Variants in SGPP2 observed in about 807,000 individuals in gnomAD.
SGPP2 encodes sphingosine-1-phosphate phosphatase 2, also known as sphingosine 1-phosphate phosphohydrolase 2.
A neutral mutation model predicts 33.9 loss-of-function variants in SGPP2; 30 were observed. That is an observed-to-expected ratio of 0.89 (90% confidence interval 0.66 to 1.20). SGPP2 has a LOEUF of 1.20. SGPP2 is among the 50% of genes most tolerant of loss of function. SGPP2 has a pLI of 0.00. For missense variants in SGPP2, 458 were observed against 532.1 expected, an observed-to-expected ratio of 0.86 and a Z score of 1.37; for synonymous variants, 233 against 225.0, an observed-to-expected ratio of 1.04 and a Z score of -0.32.
intron 2 of SGPP2, among the ~76,000 whole-genome samples, chr2:222,497,968 G>T (rs1300505813): frequency 6.6e-6 from 1 of 152,102 alleles, no homozygotes; most frequent in Non-Finnish European, 1.5e-5. Flanking sequence ...CTCAAAGCAG[G>T]AGAAAACTTA....
intron 1 of SGPP2, among the ~76,000 whole-genome samples, chr2:222,462,105 G>A (rs192561871): frequency 6.6e-6 from 1 of 152,232 alleles, no homozygotes; most frequent in East Asian, 1.9e-4. Context: ...GCGTATGCTT[G>A]AAGCTTTTGC....
chr2:222,517,804 C>T (rs1698628160), intron 2 of SGPP2, among the ~76,000 whole-genome samples: 1 of 152,190 alleles, frequency 6.6e-6, no homozygotes, highest in Middle Eastern at 3.2e-3. Flanking sequence ...GCAGCTGCAG[C>T]CAAACAGACG....
At chr2:222,468,120 C>T (rs757077014) in intron 1 of SGPP2, among the ~76,000 whole-genome samples, 2 of 152,028 alleles carry the variant, frequency 1.3e-5, no homozygotes, top group East Asian at 1.9e-4. Context: ...TGATATCTGG[C>T]GTCTGGAAGA....
chr2:222,486,367 GTTATTA>G (rs887677479), intron 2 of SGPP2, among the ~76,000 whole-genome samples: 1 of 151,904 alleles, frequency 6.6e-6, no homozygotes, highest in African/African-American at 2.4e-5. Flanking sequence ...TAGCATCATC[GTTATTA>G]TTATTATTAT....
At chr2:222,514,432 A>G (rs1413532378) in intron 2 of SGPP2, among the ~76,000 whole-genome samples, 2 of 152,230 alleles carry the variant, frequency 1.3e-5, no homozygotes, top group East Asian at 3.8e-4. Flanking sequence ...TCCTGTCCTC[A>G]AGTGATCCTC....
intron 1 of SGPP2, among the ~76,000 whole-genome samples, chr2:222,444,146 A>G (rs1293632323): frequency 1.3e-5 from 2 of 152,214 alleles, no homozygotes; most frequent in African/African-American, 2.4e-5. Flanking sequence ...GTTGTAGAGC[A>G]TGGGTGATGG....
chr2:222,473,739 A>G (rs1217154304), intron 1 of SGPP2, among the ~76,000 whole-genome samples: 1 of 152,146 alleles, frequency 6.6e-6, no homozygotes, highest in African/African-American at 2.4e-5. Context: ...AGCCTGACCA[A>G]CATGGAGAAA....
At chr2:222,468,464 G>A (rs1406110638) in intron 1 of SGPP2, among the ~76,000 whole-genome samples, 2 of 151,714 alleles carry the variant, frequency 1.3e-5, no homozygotes, top group African/African-American at 4.8e-5. Context: ...AGTTGAGGCT[G>A]TTGAGGCTCA....
At chr2:222,518,979 C>T in intron 2 of SGPP2, among the ~76,000 whole-genome samples, 1 of 152,212 alleles carries the variant, frequency 6.6e-6, no homozygotes, top group East Asian at 1.9e-4. Flanking sequence ...GGAACTCCTA[C>T]AGCAATCCAG....
At chr2:222,450,458 A>C (rs1697467354) in intron 1 of SGPP2, among the ~76,000 whole-genome samples, 1 of 152,120 alleles carries the variant, frequency 6.6e-6, no homozygotes, top group South Asian at 2.1e-4. Flanking sequence ...AGATATTTTT[A>C]GTTTCTATGG....
Position 222,457,637 on chromosome 2 carries a change from T to A in SGPP2, c.220-16931T>A, listed in dbSNP as rs115061033. ...GGAAAGTTGGGTTCAAATTTAGAAT[T>A]CTCGGCCTAGAGATTTACACTAAAA... On this transcript the variant is annotated intron_variant, in intron 1 of 4. Transcript: ENST00000321276. 5.3e-3 allele frequency among the ~76,000 whole-genome samples: 801 copies of A among 152,308 alleles called. 5 individuals carry two copies. Among genetic ancestry groups the A allele is most frequent in the Middle Eastern group, 0.014 (4 of 294 alleles).
chr2:222,463,847 A>G (rs558165601), intron 1 of SGPP2, among the ~76,000 whole-genome samples: 3 of 152,232 alleles, frequency 2.0e-5, no homozygotes, highest in Admixed American at 6.5e-5. Context: ...TAATTTTCTT[A>G]CATTTTTGGC....
At chr2:222,549,683 C>T (rs1195575072) in intron 4 of SGPP2, among the ~76,000 whole-genome samples, 1 of 151,880 alleles carries the variant, frequency 6.6e-6, no homozygotes, top group African/African-American at 2.4e-5. Context: ...AAAATCAAAG[C>T]GATTTAGAAC....
At chr2:222,489,661 G>C (rs1698167449) in intron 2 of SGPP2, among the ~76,000 whole-genome samples, 1 of 152,034 alleles carries the variant, frequency 6.6e-6, no homozygotes, top group Admixed American at 6.6e-5. Context: ...ACACTGAAAG[G>C]ATTAAATTAT....
At chr2:222,507,621 A>AT in intron 2 of SGPP2, among the ~76,000 whole-genome samples, 1 of 152,204 alleles carries the variant, frequency 6.6e-6, no homozygotes, top group Non-Finnish European at 1.5e-5. Flanking sequence ...TCAGAAGTAA[A>AT]TTTTTGTTAT....
At chr2:222,496,239 A>C (rs1159121314) in intron 2 of SGPP2, among the ~76,000 whole-genome samples, 2 of 152,250 alleles carry the variant, frequency 1.3e-5, no homozygotes, top group African/African-American at 4.8e-5. Flanking sequence ...CATGAAACAC[A>C]GATGTAAAAC....
At chr2:222,542,140 T>C (rs1699007353) in intron 4 of SGPP2, among the ~76,000 whole-genome samples, 2 of 152,218 alleles carry the variant, frequency 1.3e-5, no homozygotes, top group South Asian at 4.1e-4. Context: ...CATAGATTAG[T>C]TGGATTTCAT....
chr2:222,424,298 A>C (rs1323480935), upstream of SGPP2, among the ~76,000 whole-genome samples: 1 of 151,858 alleles, frequency 6.6e-6, no homozygotes, highest in African/African-American at 2.4e-5. Flanking sequence ...CCGGGAGAAG[A>C]GAGGCGCAGT....
intron 4 of SGPP2, among the ~76,000 whole-genome samples, chr2:222,548,396 C>G (rs1030784975): frequency 6.6e-6 from 1 of 152,212 alleles, no homozygotes; most frequent in African/African-American, 2.4e-5. Flanking sequence ...ACAGAAGGTG[C>G]AAATTGACAT....
Sources: allele counts gnomAD v4.1 joint callset (sites outside exome capture counted in the v4.1 genomes callset), GRCh38; gene constraint gnomAD v4.1.1; transcripts MANE v1.5; gene names NCBI Gene and HGNC (gene_info 2026-07-23, HGNC 2026-07-21).